The following KRT8 variants were observed in gnomAD, a reference collection of about 807,000 sequenced individuals.
The protein encoded by KRT8 is keratin 8.
KRT8 carries 24 observed loss-of-function variants against 43.0 expected under a neutral mutation model. The ratio of observed to expected loss-of-function variants is 0.56; its 90% CI spans 0.40 to 0.78. KRT8 has a LOEUF of 0.78. Ranked by LOEUF, KRT8 falls within the 30% of genes least tolerant of loss-of-function variation. KRT8 has a pLI of 0.00. For synonymous variants in KRT8, 214 were observed against 261.2 expected (o/e 0.82, Z 1.74); for missense variants, 492 against 638.4 (o/e 0.77, Z 2.47).
At position 52,904,656 on chromosome 12, in the gene KRT8, A is replaced by G; in HGVS notation, c.324+2T>C. ...AGTCAGCCACGCAGGGGGGACCCTC[A>G]CCTTGTCTATGAAGGAGGCAAACTT... On this transcript the variant is annotated splice_donor_variant, in intron 1 of 7. Coordinates refer to ENST00000692008, the Ensembl canonical transcript of KRT8. LOFTEE classifies it high-confidence loss of function. The G allele has an allele frequency of 6.2e-7, 1 of 1,612,266 alleles. No homozygotes were observed. Among genetic ancestry groups the G allele is most frequent in the East Asian group, 2.2e-5 (1 of 44,876 alleles).
At chr12:52,943,214 A>G (rs1484206451) in intron 2 of KRT8, among the ~76,000 whole-genome samples, 1 of 152,096 alleles carries the variant, frequency 6.6e-6, no homozygotes, top group African/African-American at 2.4e-5. Flanking sequence ...TCGCTGATAA[A>G]CTGCTTGAAA....
intron 2 of KRT8, among the ~76,000 whole-genome samples, chr12:52,917,422 A>AAAAAAAAGG (rs1941762586): frequency 6.6e-6 from 1 of 150,566 alleles, no homozygotes; most frequent in Non-Finnish European, 1.5e-5. Flanking sequence ...GAAAAAAAAG[A>AAAAAAAAGG]AAAGACTGAG....
intron 2 of KRT8, among the ~76,000 whole-genome samples, chr12:52,929,278 A>AC (rs1264282147): frequency 6.9e-6 from 1 of 144,970 alleles, no homozygotes. Context: ...TGCAATCTCC[A>AC]CCTCCCAGGC....
intron 2 of KRT8, among the ~76,000 whole-genome samples, chr12:52,942,904 G>C (rs969439111): frequency 2.0e-5 from 3 of 152,080 alleles, no homozygotes; most frequent in Admixed American, 6.6e-5. Context: ...TCTGATTGGG[G>C]AGGAAGGAGC....
At chr12:52,938,157 T>C (rs1361373920) in intron 2 of KRT8, among the ~76,000 whole-genome samples, 1 of 34,364 alleles carries the variant, frequency 2.9e-5, no homozygotes, top group Non-Finnish European at 5.3e-5. Flanking sequence ...TATATATATA[T>C]ATATATATAT....
exon 2 of KRT8, chr12:52,901,940 T>A: frequency 6.2e-7 from 1 of 1,610,788 alleles, no homozygotes; most frequent in Admixed American, 1.7e-5. Flanking sequence ...TGGCCCAGAG[T>A]CTCCAGCTGC....
At chr12:52,905,047 T>A in exon 1 of KRT8, 1 of 1,547,232 alleles carries the variant, frequency 6.5e-7, no homozygotes, top group Non-Finnish European at 8.7e-7. Context: ...GCGGAGAAGC[T>A]GCTTCTTGGT....
At chr12:52,948,878 C>G (rs1335587809) in intron 2 of KRT8, 8 of 424,656 alleles carry the variant, frequency 1.9e-5, no homozygotes, top group Non-Finnish European at 3.3e-5. Context: ...AAAGCAGCCT[C>G]GAGGGCCAAC....
In KRT8 at chr12:52,904,842, CG is replaced by C. The variant is rs1432359391; in HGVS notation, c.139del (p.Arg47AlafsTer27). The C allele has an allele frequency of 6.2e-7, 1 of 1,612,526 alleles. No homozygotes were observed. The highest frequency in any genetic ancestry group is 8.5e-7 in the Non-Finnish European group (1 of 1,179,962). ...ACCATAGCCGCCGCCCAGGCCACCG[CG>C]AAAGTTGCTGCTGCCCACTCGGGAG... On this transcript the variant is annotated frameshift_variant, in exon 1 of 8. Coordinates refer to ENST00000692008, the Ensembl canonical transcript of KRT8. LOFTEE classifies it high-confidence loss of function.
At chr12:52,927,481 T>A (rs1942013586) in intron 2 of KRT8, among the ~76,000 whole-genome samples, 1 of 152,122 alleles carries the variant, frequency 6.6e-6, no homozygotes, top group Admixed American at 6.5e-5. Flanking sequence ...GCTCTGTTTG[T>A]CCCAAACTAA....
intron 2 of KRT8, among the ~76,000 whole-genome samples, chr12:52,938,992 G>A (rs1357231266): frequency 6.6e-6 from 1 of 152,122 alleles, no homozygotes; most frequent in East Asian, 1.9e-4. Flanking sequence ...GGATGAGGCA[G>A]GAGTATCACT....
chr12:52,905,717 A>ACG (rs1483169399), upstream of KRT8, among the ~76,000 whole-genome samples: 1 of 81,806 alleles, frequency 1.2e-5, no homozygotes, highest in Non-Finnish European at 2.2e-5. Context: ...TAAACATCAC[A>ACG]CGCGCACACA....
Position 52,899,174 on chromosome 12 carries a change from G to A in KRT8, c.982-275C>T, listed in dbSNP as rs193280123. ...GTAAAAATACAAAAAAAATTAGCCA[G>A]CCTGGTGGCGGGCGCCTGTAGTCCC... On this transcript the variant is annotated intron_variant, in intron 5 of 7. Transcript: ENST00000692008. Among the ~76,000 whole-genome samples, 10 of 152,282 alleles carry A rather than the reference G, an allele frequency of 6.6e-5. No homozygotes were observed. In the East Asian group the frequency reaches 1.7e-3, roughly 26 times the overall value.
At chr12:52,901,643 C>T in intron 2 of KRT8, 1 of 601,480 alleles carries the variant, frequency 1.7e-6, no homozygotes. Context: ...TTCTTCAAAT[C>T]CAGACAGTTG....
At chr12:52,918,911 A>G (rs1003560837) in intron 2 of KRT8, among the ~76,000 whole-genome samples, 1 of 152,132 alleles carries the variant, frequency 6.6e-6, no homozygotes, top group African/African-American at 2.4e-5. Context: ...CCCTGCATGA[A>G]ATAACCTCCT....
chr12:52,935,919 A>C (rs1942162507), intron 2 of KRT8, among the ~76,000 whole-genome samples: 1 of 152,212 alleles, frequency 6.6e-6, no homozygotes, highest in Non-Finnish European at 1.5e-5. Flanking sequence ...ACATTAACTC[A>C]AATGAATCAT....
At chr12:52,934,531 A>G (rs1359950810) in intron 2 of KRT8, among the ~76,000 whole-genome samples, 1 of 151,944 alleles carries the variant, frequency 6.6e-6, no homozygotes, top group African/African-American at 2.4e-5. Context: ...TTGCACTCCA[A>G]TCTGGTGACA....
rs576869462 is a variant in KRT8 at position 52,899,794 on chromosome 12, A to G, written c.962T>C (p.Ile321Thr). The change falls in exon 5 of 8, where the codon ATT becomes ACT. Residue 321 changes from isoleucine to threonine, a missense_variant. Physicochemically the swap from Ile to Thr is moderately conservative, Grantham distance 89 (BLOSUM62 -1). Coordinates refer to ENST00000692008, the Ensembl canonical transcript of KRT8. Reference sequence around the variant, plus strand: ...CCATACCTGGCCTTTGAGGCCCTCAATCTCAGCCTGGAGCCGGCTGATGTT... The same window carrying G: ...CCATACCTGGCCTTTGAGGCCCTCAGTCTCAGCCTGGAGCCGGCTGATGTT... 1.1e-5 allele frequency: 17 copies of G among 1,611,824 alleles called. No homozygotes were observed. In the East Asian group the frequency reaches 1.3e-4, roughly 13 times the overall value.
At chr12:52,918,026 A>AGAGGAG (rs200134087) in intron 2 of KRT8, among the ~76,000 whole-genome samples, 3 of 45,398 alleles carry the variant, frequency 6.6e-5, no homozygotes, top group Admixed American at 3.8e-4. Flanking sequence ...GAGAAGAAGA[A>AGAGGAG]GAGGAGGAGG....
Sources: allele counts gnomAD v4.1 joint callset (sites outside exome capture counted in the v4.1 genomes callset), GRCh38; gene constraint gnomAD v4.1.1; transcripts MANE v1.5; gene names NCBI Gene and HGNC (gene_info 2026-07-23, HGNC 2026-07-21).